The following ZNF549 variants were observed in gnomAD, a reference collection of about 807,000 sequenced individuals.
ZNF549 encodes the protein zinc finger protein 549.
Under a neutral mutation model 11.1 loss-of-function variants are expected in ZNF549, and 11 were observed. That is an observed-to-expected ratio of 0.99 (90% CI 0.62 to 1.64). ZNF549 has a LOEUF of 1.64. ZNF549 is among the 40% of genes most tolerant of loss of function. ZNF549 has a pLI of 0.00. For synonymous variants in ZNF549, 266 were observed against 269.1 expected, an observed-to-expected ratio of 0.99 and a Z score of 0.11; for missense variants, 748 against 765.1, an observed-to-expected ratio of 0.98 and a Z score of 0.26.
intron 2 of ZNF549, 149 bp from the exon 3 acceptor site, chr19:57,534,995 A>C: frequency 2.1e-6 from 2 of 968,268 alleles, no homozygotes; most frequent in Admixed American, 5.6e-5. Flanking sequence ...AGCATGGATG[A>C]GATTCCATGA....
At chr19:57,532,382 C>T (rs2089907795) in intron 2 of ZNF549, among the ~76,000 whole-genome samples, 1 of 152,126 alleles carries the variant, frequency 6.6e-6, no homozygotes, top group African/African-American at 2.4e-5. Context: ...TGCATGGAGC[C>T]ATATGGAAAT....
chr19:57,531,092 T>G lies in ZNF549; in HGVS notation c.56T>G (p.Phe19Cys). The G allele has an allele frequency of 6.3e-7, 1 of 1,598,400 alleles. No individual in the cohort carries two copies. ...TPQIPMVTEEFVKPSQGHVTF... is the reference protein window; with the variant it reads ...TPQIPMVTEECVKPSQGHVTF... ...CAGATTCCCATGGTAACAGAAGAGT[T>G]TGTGAAACCATCACAGGTAAGTGGA... Residue 19 changes from phenylalanine (F) to cysteine (C), a missense_variant, in exon 2 of 4, where the codon TTT becomes TGT. Phe to Cys is a radical substitution (Grantham distance 205, BLOSUM62 -2). Transcript: ENST00000376233.
chr19:57,534,133 G>A (rs566048099), intron 2 of ZNF549, among the ~76,000 whole-genome samples: 1 of 152,294 alleles, frequency 6.6e-6, no homozygotes, highest in East Asian at 1.9e-4. Flanking sequence ...AGTGAGGAAG[G>A]ATGTAGAGAG....
In ZNF549 at chr19:57,539,016, C is replaced by T. The variant is rs1197850210; in HGVS notation, c.*89C>T. The T allele has an allele frequency of 8.9e-6, 12 of 1,346,784 alleles. No homozygotes were observed. Among genetic ancestry groups the T allele is most frequent in the Non-Finnish European group, 1.1e-5 (11 of 993,138 alleles). The allele number at this position is 1,346,784 out of a possible 1,614,324, so 83.4% of individuals were successfully genotyped here. On this transcript the variant is annotated 3_prime_UTR_variant, in exon 4 of 4. Coordinates refer to ENST00000376233, the MANE Select transcript of ZNF549 (RefSeq NM_001199295.2). ...GATCCAACAGACAGAAATTCACCCT[C>T]ATACATCTGCATATCACTAGTTGAA...
intron 2 of ZNF549, among the ~76,000 whole-genome samples, chr19:57,531,653 G>A (rs1485857517): frequency 1.3e-5 from 2 of 152,096 alleles, no homozygotes; most frequent in Admixed American, 6.5e-5. Context: ...TAAAATAAGC[G>A]TTACTTGAAC....
At chr19:57,528,266 A>T (rs150316756) in intron 1 of ZNF549, among the ~76,000 whole-genome samples, 1 of 152,170 alleles carries the variant, frequency 6.6e-6, no homozygotes, top group Non-Finnish European at 1.5e-5. Context: ...CATCTGGAAG[A>T]GTTGACAAAG....
chr19:57,530,249 T>C (rs552755148), intron 1 of ZNF549, among the ~76,000 whole-genome samples: 13 of 152,212 alleles, frequency 8.5e-5, no homozygotes, highest in Admixed American at 5.2e-4. Flanking sequence ...ATCTGGAGAT[T>C]AGGTTATATA....
chr19:57,529,122 CTG>C (rs1404677234), intron 1 of ZNF549, among the ~76,000 whole-genome samples: 4 of 152,346 alleles, frequency 2.6e-5, no homozygotes, highest in African/African-American at 9.6e-5. Context: ...ATAATTATCA[CTG>C]TGTTACAGTT....
At chr19:57,533,708 T>C (rs1310736924) in intron 2 of ZNF549, among the ~76,000 whole-genome samples, 2 of 152,234 alleles carry the variant, frequency 1.3e-5, no homozygotes, top group Non-Finnish European at 2.9e-5. Context: ...CTGGTTTGCA[T>C]GATGGTTTCC....
At chr19:57,531,167 C>T (rs1382244137) in intron 2 of ZNF549, 59 bp downstream of exon 2, 8 of 1,554,862 alleles carry the variant, frequency 5.1e-6, no homozygotes, top group Non-Finnish European at 6.1e-6. Context: ...ATGGGTCTGG[C>T]CCACAGATGC....
Position 57,531,051 on chromosome 19 carries a change from A to G in ZNF549, c.34-19A>G, listed in dbSNP as rs1046095868. ...GCCACCTTGAACACCTGTATTTCATAGCCTCCCTCTTCCTACAGATTCCCA... is the reference window on the plus strand; with the variant it reads ...GCCACCTTGAACACCTGTATTTCATGGCCTCCCTCTTCCTACAGATTCCCA... On this transcript the variant is annotated intron_variant, in intron 1 of 3. Transcript: ENST00000376233. The G allele has an allele frequency of 4.4e-6, 7 of 1,598,214 alleles. No homozygotes were observed. The highest frequency in any genetic ancestry group is 5.9e-6 in the Non-Finnish European group (7 of 1,179,676).
At chr19:57,532,990 G>T (rs1183690121) in intron 2 of ZNF549, among the ~76,000 whole-genome samples, 1 of 152,132 alleles carries the variant, frequency 6.6e-6, no homozygotes, top group Non-Finnish European at 1.5e-5. Flanking sequence ...GATTACAGGC[G>T]CCCGCCACCA....
Position 57,537,716 on chromosome 19 carries a change from C to CA in ZNF549, c.713dup (p.Arg239GlufsTer10). The CA allele has an allele frequency of 6.2e-7, 1 of 1,614,136 alleles. No homozygotes were observed. Among genetic ancestry groups the CA allele is most frequent in the Non-Finnish European group, 8.5e-7 (1 of 1,180,030 alleles). ...TGAGAAAGTTCATGTTACTGAGCAT[C>CA]AGAGAGTCCACACTGGAGAAAAAGC... On this transcript the variant is annotated frameshift_variant, in exon 4 of 4. Transcript: ENST00000376233. LOFTEE classifies it low-confidence loss of function (END_TRUNC).
intron 2 of ZNF549, among the ~76,000 whole-genome samples, chr19:57,532,797 A>G (rs928703770): frequency 1.3e-5 from 2 of 152,194 alleles, no homozygotes; most frequent in Non-Finnish European, 2.9e-5. Context: ...TTTTCTGCCT[A>G]CTGTATCTGT....
intron 1 of ZNF549, 28 bp downstream of exon 1, chr19:57,527,634 C>G: frequency 6.2e-7 from 1 of 1,611,848 alleles, no homozygotes; most frequent in East Asian, 2.2e-5. Context: ...GGATCCTCAC[C>G]TGGGTCCTGA....
At position 57,538,201 on chromosome 19, in the gene ZNF549, A is replaced by T. The variant is rs1372239514; in HGVS notation, c.1197A>T (p.Ile399=). Reference sequence around the variant, plus strand: ...GCAGTGAATGTGGGAAATCCTTCATATACAAACAGTCACTTCTTGATCACC... The same window carrying T: ...GCAGTGAATGTGGGAAATCCTTCATTTACAAACAGTCACTTCTTGATCACC... ...YQCSECGKSF[I]YKQSLLDHHR... is the part of the protein sequence containing the mutation. The change falls in exon 4 of 4, where the codon ATA becomes ATT. Residue 399 remains isoleucine, a synonymous_variant. Coordinates refer to ENST00000376233, the MANE Select transcript of ZNF549 (RefSeq NM_001199295.2). 7 of 1,613,468 alleles carry T rather than the reference A, an allele frequency of 4.3e-6. No individual in the cohort carries two copies. Among genetic ancestry groups the T allele is most frequent in the Non-Finnish European group, 5.9e-6 (7 of 1,179,860 alleles).
rs151110967 is a variant in ZNF549, at chr19:57,538,638, T to A, written c.1634T>A (p.Leu545His). 4 of 1,614,218 alleles carry A rather than the reference T, an allele frequency of 2.5e-6. No homozygotes were observed. The highest frequency in any genetic ancestry group is 3.4e-6 in the Non-Finnish European group (4 of 1,180,038). Reference sequence around the variant, plus strand: ...GTCTTCAGCCACCAAAAAAGACTTCTTGAGCACCAGAAAGTTCACACTGGC... The same window carrying A: ...GTCTTCAGCCACCAAAAAAGACTTCATGAGCACCAGAAAGTTCACACTGGC... ...GKVFSHQKRL[L>H]EHQKVHTGEK... is the part of the protein sequence containing the mutation. The change falls in exon 4 of 4, where the codon CTT becomes CAT. Residue 545 changes from leucine (L) to histidine (H), a missense_variant. Transcript: ENST00000376233.
At position 57,535,290 on chromosome 19, in the gene ZNF549, C is replaced by A. The variant is rs758686884; in HGVS notation, c.199+20C>A. 4 of 1,609,214 alleles carry A rather than the reference C, an allele frequency of 2.5e-6. No homozygotes were observed. The highest frequency in any genetic ancestry group is 1.7e-4 in the Middle Eastern group (1 of 6,056). ...CAGTAGGTAAGATCTCTTAAAACCA[C>A]ACCATCAACCTCTGCTGGACTCTGC... On this transcript the variant is annotated intron_variant, in intron 3 of 3. Coordinates refer to ENST00000376233, the MANE Select transcript of ZNF549 (RefSeq NM_001199295.2).
At chr19:57,534,585 G>A (rs2089916440) in intron 2 of ZNF549, among the ~76,000 whole-genome samples, 1 of 152,170 alleles carries the variant, frequency 6.6e-6, no homozygotes, top group Admixed American at 6.5e-5. Flanking sequence ...GGAGGAAGTG[G>A]ACTTTGGCAG....
Sources: gnomAD v4.1 joint callset for allele counts (sites outside exome capture counted in the v4.1 genomes callset) on GRCh38, gnomAD v4.1.1 for gene constraint, MANE v1.5 for transcripts, NCBI Gene and HGNC (gene_info 2026-07-23, HGNC 2026-07-21) for gene names.